Variants in PCDHA7 observed in about 807,000 individuals in gnomAD.
PCDHA7 encodes the protein protocadherin alpha 7.
PCDHA7 carries 37 observed loss-of-function variants against 57.2 expected under a neutral mutation model. The observed-to-expected ratio is 0.65, with a 90% CI of 0.50 to 0.85. PCDHA7 has a LOEUF of 0.85. PCDHA7 is among the 40% of genes least tolerant of loss of function. The probability of loss-of-function intolerance (pLI) is 0.00; values close to 1 mark genes in which losing one functional copy is unlikely to be tolerated. For synonymous variants in PCDHA7, 553 were observed against 558.8 expected, an observed-to-expected ratio of 0.99 and a Z score of 0.15; for missense variants, 1,188 against 1,241.8, an observed-to-expected ratio of 0.96 and a Z score of 0.65.
chr5:140,993,203 A>T (rs1563587510), intron 3 of PCDHA7, among the ~76,000 whole-genome samples: 2 of 152,090 alleles, frequency 1.3e-5, no homozygotes, highest in African/African-American at 4.8e-5. Context: ...ACTAAAGCTA[A>T]TTTTTTTAGC....
chr5:140,836,173 T>C lies in PCDHA7; in HGVS notation c.1790T>C (p.Val597Ala). Residue 597 changes from valine to alanine, a missense_variant, in exon 1 of 4, where the codon GTT becomes GCT. Transcript: ENST00000525929. ...AGHVVAKVRA[V>A]DADSGYNAWL... ...CATGTGGTGGCGAAGGTACGTGCAG[T>C]TGACGCTGACTCAGGCTACAACGCG... 1.2e-6 allele frequency: 2 copies of C among 1,613,820 alleles called. No homozygotes were observed. Among genetic ancestry groups the C allele is most frequent in the Non-Finnish European group, 1.7e-6 (2 of 1,179,802 alleles).
chr5:140,834,637 T>C lies in PCDHA7; in HGVS notation c.254T>C (p.Phe85Ser), dbSNP rs2150223178. 78 of 1,614,168 alleles carry C rather than the reference T, an allele frequency of 4.8e-5. No individual in the cohort carries two copies. The highest frequency in any genetic ancestry group is 1.7e-4 in the Middle Eastern group (1 of 6,058). ...LEVNLQNGILFVNSRIDREEL... is the reference protein window; with the variant it reads ...LEVNLQNGILSVNSRIDREEL... ...GTAAATCTGCAGAATGGCATTTTGTTTGTGAATTCTCGGATCGACCGCGAG... is the reference window on the plus strand; with the variant it reads ...GTAAATCTGCAGAATGGCATTTTGTCTGTGAATTCTCGGATCGACCGCGAG... The change falls in exon 1 of 4, where the codon TTT becomes TCT. Residue 85 changes from phenylalanine (F) to serine (S), a missense_variant. Around this residue, in one of 3 missense-constraint regions of PCDHA7, gnomAD observed 194 missense variants for 185.8 expected, o/e 1.04. Transcript: ENST00000525929.
At chr5:140,927,748 G>T (rs782605586) in intron 1 of PCDHA7, 3 of 1,614,206 alleles carry the variant, frequency 1.9e-6, no homozygotes, top group Admixed American at 1.7e-5. Flanking sequence ...CCGCTTTCAC[G>T]TGCACCCTAA....
intron 1 of PCDHA7, chr5:140,842,727 C>A (rs1554139317): frequency 6.3e-7 from 1 of 1,594,926 alleles, no homozygotes; most frequent in East Asian, 2.2e-5. Flanking sequence ...GAGAACAACC[C>A]GCCGGGCTGC....
At position 140,857,876 on chromosome 5, in the gene PCDHA7, T is replaced by C. The variant is rs2044975773; in HGVS notation, c.2355+21138T>C. ...ATACAACGCGTGGCTGTCGTATGAATTGCAGTCGGCGGCGGTTGGTGCACG... is the reference window on the plus strand; with the variant it reads ...ATACAACGCGTGGCTGTCGTATGAACTGCAGTCGGCGGCGGTTGGTGCACG... On this transcript the variant is annotated intron_variant, in intron 1 of 3. Coordinates refer to ENST00000525929, the MANE Select transcript of PCDHA7 (RefSeq NM_018910.3). 3.1e-6 allele frequency: 5 copies of C among 1,597,774 alleles called. 1 individual carries two copies. Among genetic ancestry groups the C allele is most frequent in the East Asian group, 2.2e-5 (1 of 44,820 alleles).
intron 1 of PCDHA7, chr5:140,863,957 G>A (rs2048253350): frequency 6.4e-6 from 1 of 157,074 alleles, no homozygotes; most frequent in Non-Finnish European, 1.4e-5. Flanking sequence ...GCCTAGATTA[G>A]GCCACTGCAC....
At chr5:140,887,254 G>A (rs924715341) in intron 1 of PCDHA7, among the ~76,000 whole-genome samples, 4 of 151,790 alleles carry the variant, frequency 2.6e-5, no homozygotes, top group Admixed American at 2.0e-4. Context: ...CCGCCACCAC[G>A]CCCTGCTAAT....
At chr5:141,007,974 A>G (rs2098354254) in intron 3 of PCDHA7, among the ~76,000 whole-genome samples, 1 of 152,220 alleles carries the variant, frequency 6.6e-6, no homozygotes, top group Non-Finnish European at 1.5e-5. Flanking sequence ...GGTGTCTGTC[A>G]TGTATATATG....
Position 141,010,240 on chromosome 5 carries a change from G to A in PCDHA7, c.*303G>A. The A allele has an allele frequency of 6.4e-7, 1 of 1,551,928 alleles. No homozygotes were observed. The highest frequency in any genetic ancestry group is 8.7e-7 in the Non-Finnish European group (1 of 1,147,042). ...GGCTTCCCAGCCCCGCCAGTGAGAGGTTGGACTCTCTGCCCTGTGCTCCGG... is the reference window on the plus strand; with the variant it reads ...GGCTTCCCAGCCCCGCCAGTGAGAGATTGGACTCTCTGCCCTGTGCTCCGG... On this transcript the variant is annotated 3_prime_UTR_variant, in exon 4 of 4. Coordinates refer to ENST00000525929, the MANE Select transcript of PCDHA7 (RefSeq NM_018910.3).
At chr5:140,874,154 C>A (rs1554167062) in intron 1 of PCDHA7, among the ~76,000 whole-genome samples, 1 of 152,102 alleles carries the variant, frequency 6.6e-6, no homozygotes, top group African/African-American at 2.4e-5. Flanking sequence ...TAGAGCCATT[C>A]TTGGTTACTC....
chr5:140,854,329 T>C lies in PCDHA7; in HGVS notation c.2355+17591T>C, dbSNP rs1380061038. The C allele has an allele frequency of 1.9e-5, 4 of 216,048 alleles. 1 individual carries two copies. The highest frequency in any genetic ancestry group is 3.1e-5 in the Non-Finnish European group (4 of 127,638). 13.4% of individuals were successfully genotyped at this position (216,048 alleles called of 1,614,324 possible). ...AGATGATTGATCAATGGCAAACTTA[T>C]TTTACGCTCCAGATAGCTAAAACAA... On this transcript the variant is annotated intron_variant, in intron 1 of 3. Coordinates refer to ENST00000525929, the MANE Select transcript of PCDHA7 (RefSeq NM_018910.3).
intron 1 of PCDHA7, among the ~76,000 whole-genome samples, chr5:140,886,827 GAAAAAAAAAA>G (rs782016620): frequency 1.6e-5 from 1 of 60,890 alleles, no homozygotes; most frequent in East Asian, 5.7e-4. Flanking sequence ...ACTTCGTCTT[GAAAAAAAAAA>G]AAAAAAAAAA....
At chr5:140,883,313 G>A (rs1469839417) in intron 1 of PCDHA7, 2 of 1,614,000 alleles carry the variant, frequency 1.2e-6, no homozygotes, top group African/African-American at 2.7e-5. Flanking sequence ...TAACGCCCCA[G>A]AGGTTACCAT....
intron 1 of PCDHA7, chr5:140,969,419 T>C: frequency 6.4e-7 from 1 of 1,563,564 alleles, no homozygotes; most frequent in Non-Finnish European, 8.7e-7. Flanking sequence ...ATTGAGTCAT[T>C]AACAGTGACA....
chr5:140,847,831 C>T (rs2150404458), intron 1 of PCDHA7: 1 of 149,692 alleles, frequency 6.7e-6, no homozygotes, highest in East Asian at 1.9e-4. Flanking sequence ...AAGAAAACTA[C>T]CTCAGTTGGT....
chr5:140,870,944 C>A (rs1554164906), intron 1 of PCDHA7: 1 of 1,613,540 alleles, frequency 6.2e-7, no homozygotes, highest in Admixed American at 1.7e-5. Context: ...CAGCCGGCGG[C>A]GGGCGGCTCG....
intron 1 of PCDHA7, among the ~76,000 whole-genome samples, chr5:140,886,252 C>G (rs1368508838): frequency 6.6e-6 from 1 of 151,858 alleles, no homozygotes; most frequent in Non-Finnish European, 1.5e-5. Flanking sequence ...ATAAAAGTAT[C>G]TCTATTTATA....
chr5:140,929,460 C>A, intron 1 of PCDHA7: 1 of 1,331,154 alleles, frequency 7.5e-7, no homozygotes, highest in Non-Finnish European at 1.0e-6. Context: ...ACTTCCTGTG[C>A]CAAGAAATCT....
At chr5:140,869,325 T>C in intron 1 of PCDHA7, 2 of 1,613,866 alleles carry the variant, frequency 1.2e-6, no homozygotes, top group Non-Finnish European at 1.7e-6. Flanking sequence ...ATGGGGACCT[T>C]CTGGAGGTAA....
Sources: allele counts gnomAD v4.1 joint callset (sites outside exome capture counted in the v4.1 genomes callset), GRCh38; gene constraint gnomAD v4.1.1; regional missense constraint gnomAD v4.1.1; transcripts MANE v1.5; gene names NCBI Gene and HGNC (gene_info 2026-07-23, HGNC 2026-07-21).